SYCP2L: variants seen among roughly 807,000 people sequenced by gnomAD.
SYCP2L encodes the protein synaptonemal complex protein 2-like.
SYCP2L carries 98 observed loss-of-function variants against 125.8 expected under a neutral mutation model. The observed-to-expected ratio is 0.78, with a 90% CI of 0.66 to 0.92. The LOEUF (loss-of-function observed/expected upper bound fraction) is 0.92. SYCP2L is among the 40% of genes least tolerant of loss of function. SYCP2L has a pLI of 0.00. For missense variants in SYCP2L, 842 were observed against 936.4 expected (o/e 0.90, Z 1.32); for synonymous variants, 317 against 325.4 (o/e 0.97, Z 0.28).
At chr6:10,905,497 G>A (rs538328748) in intron 8 of SYCP2L, among the ~76,000 whole-genome samples, 1 of 152,070 alleles carries the variant, frequency 6.6e-6, no homozygotes, top group South Asian at 2.1e-4. Flanking sequence ...TCTCCATGTT[G>A]GTCAGGCTGG....
At chr6:10,905,229 G>A (rs1780466349) in intron 8 of SYCP2L, among the ~76,000 whole-genome samples, 1 of 150,894 alleles carries the variant, frequency 6.6e-6, no homozygotes, top group Non-Finnish European at 1.5e-5. Flanking sequence ...TACAATTCAG[G>A]AGTCTGCATT....
At chr6:10,961,593 G>C (rs747855770) in intron 28 of SYCP2L, 35 bp downstream of exon 28, 3 of 1,607,670 alleles carry the variant, frequency 1.9e-6, no homozygotes, top group Non-Finnish European at 2.6e-6. Context: ...GAAGAATCTT[G>C]GTTGAAGTAT....
chr6:10,909,635 AGTCTTTGTTCTTAGAAC>A (rs1780570792), intron 10 of SYCP2L, among the ~76,000 whole-genome samples: 1 of 152,202 alleles, frequency 6.6e-6, no homozygotes, highest in African/African-American at 2.4e-5. Context: ...CTCTAATAAT[AGTCTTTGTTCTTAGAAC>A]ATATGCTAGG....
intron 23 of SYCP2L, among the ~76,000 whole-genome samples, 169 bp downstream of exon 23, chr6:10,942,915 G>A (rs1376456663): frequency 6.6e-6 from 1 of 152,122 alleles, no homozygotes; most frequent in Non-Finnish European, 1.5e-5. Flanking sequence ...AAATGTTCAT[G>A]AAGGTTAGGA....
At position 10,887,061 on chromosome 6, in the gene SYCP2L, G is replaced by C; in HGVS notation, c.-66G>C. The C allele has an allele frequency of 5.0e-6, 8 of 1,611,314 alleles. No individual in the cohort carries two copies. Among genetic ancestry groups the C allele is most frequent in the Non-Finnish European group, 5.9e-6 (7 of 1,178,256 alleles). ...GGCGGGGCTCTTGGGCGGGGAAGCAGGAGAGGGCCGACCGAGCGCAACAAA... is the reference window on the plus strand; with the variant it reads ...GGCGGGGCTCTTGGGCGGGGAAGCACGAGAGGGCCGACCGAGCGCAACAAA... On this transcript the variant is annotated 5_prime_UTR_variant, in exon 1 of 30. Transcript: ENST00000283141.
At chr6:10,970,947 T>C (rs1781759338) in intron 29 of SYCP2L, among the ~76,000 whole-genome samples, 1 of 152,032 alleles carries the variant, frequency 6.6e-6, no homozygotes, top group Non-Finnish European at 1.5e-5. Flanking sequence ...AATCGGGCCA[T>C]CACCCCCAGG....
chr6:10,928,150 A>G lies in SYCP2L; in HGVS notation c.1441-253A>G, dbSNP rs548972575. On this transcript the variant is annotated intron_variant, in intron 17 of 29. Coordinates refer to ENST00000283141, the MANE Select transcript of SYCP2L (RefSeq NM_001040274.3). ...ATCACAGGGTCCTGAGGTGACATAC[A>G]TCCTCCTCAGCTGACAGGATTAAGA... Among the ~76,000 whole-genome samples, 31 of 151,716 alleles carry G rather than the reference A, an allele frequency of 2.0e-4. 1 individual carries two copies. The highest frequency in any genetic ancestry group is 6.3e-4 in the African/African-American group (26 of 41,188).
At chr6:10,972,673 T>A (rs2113439348) in intron 29 of SYCP2L, among the ~76,000 whole-genome samples, 1 of 152,238 alleles carries the variant, frequency 6.6e-6, no homozygotes, top group South Asian at 2.1e-4. Context: ...TATGCCAACA[T>A]CCTCCCCTCT....
At chr6:10,913,676 A>G (rs1561685446) in intron 14 of SYCP2L, among the ~76,000 whole-genome samples, 2 of 151,586 alleles carry the variant, frequency 1.3e-5, no homozygotes, top group African/African-American at 4.9e-5. Flanking sequence ...TTGTCTGTTT[A>G]CTCTGCTGAC....
At chr6:10,893,743 C>G in intron 2 of SYCP2L, 124 bp from the exon 3 acceptor site, 1 of 1,062,308 alleles carries the variant, frequency 9.4e-7, no homozygotes. Flanking sequence ...ATAGAGATCT[C>G]CATTCTATAT....
At chr6:10,947,103 GTTTAT>G (rs754447985) in intron 23 of SYCP2L, among the ~76,000 whole-genome samples, 6 of 151,836 alleles carry the variant, frequency 4.0e-5, no homozygotes, top group Admixed American at 3.3e-4. Flanking sequence ...ATCATTGAAT[GTTTAT>G]TTTATTTTTT....
intron 2 of SYCP2L, among the ~76,000 whole-genome samples, chr6:10,893,155 C>A (rs947077567): frequency 6.6e-6 from 1 of 151,942 alleles, no homozygotes; most frequent in African/African-American, 2.4e-5. Context: ...TGCGCCACCA[C>A]GTCTGGCTAA....
At chr6:10,889,490 G>A (rs1780138345) in intron 1 of SYCP2L, among the ~76,000 whole-genome samples, 1 of 152,008 alleles carries the variant, frequency 6.6e-6, no homozygotes, top group African/African-American at 2.4e-5. Flanking sequence ...TCACCTTGCA[G>A]TACTATCTTA....
intron 4 of SYCP2L, 37 bp downstream of exon 4, chr6:10,894,241 A>G: frequency 6.3e-7 from 1 of 1,599,658 alleles, no homozygotes; most frequent in Non-Finnish European, 8.5e-7. Context: ...GGCTTTGGGT[A>G]ACTTAGAGAA....
At chr6:10,899,153 TGGAG>T (rs1320729305) in intron 6 of SYCP2L, among the ~76,000 whole-genome samples, 1 of 152,232 alleles carries the variant, frequency 6.6e-6, no homozygotes, top group South Asian at 2.1e-4. Flanking sequence ...TGATTTAACT[TGGAG>T]CTGATTCAGA....
intron 8 of SYCP2L, among the ~76,000 whole-genome samples, chr6:10,904,621 A>G (rs931222630): frequency 6.6e-6 from 1 of 152,224 alleles, no homozygotes; most frequent in Non-Finnish European, 1.5e-5. Flanking sequence ...CTTTGAACAC[A>G]CTACCTTATT....
Position 10,954,921 on chromosome 6 carries a change from G to C in SYCP2L, c.1955-195G>C, listed in dbSNP as rs1781474493. Among the ~76,000 whole-genome samples the C allele has an allele frequency of 6.6e-6, 1 of 152,160 alleles. No homozygotes were observed. Among genetic ancestry groups the C allele is most frequent in the Admixed American group, 6.5e-5 (1 of 15,278 alleles). ...AACTGAGCTCATCAAAGGGATGCCT[G>C]TTCCCATGTTCAGGTATCAGTAGAC... is the stretch of plus-strand genomic sequence containing the variant. On this transcript the variant is annotated intron_variant, in intron 23 of 29. Coordinates refer to ENST00000283141, the MANE Select transcript of SYCP2L (RefSeq NM_001040274.3). The surrounding 1 kb of genome is among the most constrained non-coding windows in gnomAD (Gnocchi z 4.8).
intron 1 of SYCP2L, among the ~76,000 whole-genome samples, chr6:10,887,440 G>A (rs890886768): frequency 6.6e-6 from 1 of 152,164 alleles, no homozygotes; most frequent in Admixed American, 6.6e-5. Context: ...TTTCCTAGCC[G>A]GTTTTCCAGC....
intron 29 of SYCP2L, among the ~76,000 whole-genome samples, chr6:10,972,382 A>T (rs1781789094): frequency 6.6e-6 from 1 of 152,250 alleles, no homozygotes; most frequent in Non-Finnish European, 1.5e-5. Context: ...CTAAATGTGC[A>T]TGTTACATTT....
Sources: gnomAD v4.1 joint callset for allele counts (sites outside exome capture counted in the v4.1 genomes callset) on GRCh38, gnomAD v4.1.1 for gene constraint, Gnocchi (gnomAD v3.1) non-coding constraint, MANE v1.5 for transcripts, NCBI Gene and HGNC (gene_info 2026-07-23, HGNC 2026-07-21) for gene names.